Variants in OSBPL6 observed in about 807,000 individuals in gnomAD.
The protein encoded by OSBPL6 is oxysterol-binding protein-related protein 6.
A neutral mutation model predicts 125.8 loss-of-function variants in OSBPL6; 49 were observed. That is an observed-to-expected ratio of 0.39 (90% CI 0.31 to 0.49). The LOEUF (loss-of-function observed/expected upper bound fraction) is 0.49. Among genes scored for constraint, OSBPL6 ranks in the 20% least tolerant of loss-of-function variants. The pLI, the probability that OSBPL6 is intolerant of heterozygous loss-of-function variation, is 0.88. For synonymous variants in OSBPL6, 394 were observed against 391.8 expected, an observed-to-expected ratio of 1.01 and a Z score of -0.07; for missense variants, 986 against 1,135.4, an observed-to-expected ratio of 0.87 and a Z score of 1.89.
At chr2:178,326,457 G>A (rs916755634) in intron 4 of OSBPL6, among the ~76,000 whole-genome samples, 15 of 152,054 alleles carry the variant, frequency 9.9e-5, no homozygotes, top group African/African-American at 3.6e-4. Flanking sequence ...GTAAACCCAG[G>A]AAAATTGGAG....
intron 11 of OSBPL6, among the ~76,000 whole-genome samples, chr2:178,345,764 T>C (rs903233939): frequency 2.0e-5 from 3 of 152,246 alleles, no homozygotes; most frequent in East Asian, 3.8e-4. Context: ...AACACTGTTT[T>C]CTTAAGCAAT....
At chr2:178,331,269 A>G (rs1037854751) in intron 5 of OSBPL6, among the ~76,000 whole-genome samples, 33 of 152,214 alleles carry the variant, frequency 2.2e-4, no homozygotes, top group Admixed American at 7.2e-4. Flanking sequence ...TTGTAGCTTC[A>G]GGTCCTCAGA....
At chr2:178,199,187 A>T (rs1476687011) in intron 1 of OSBPL6, among the ~76,000 whole-genome samples, 1 of 152,240 alleles carries the variant, frequency 6.6e-6, no homozygotes, top group African/African-American at 2.4e-5. Flanking sequence ...TAAAAGAAAC[A>T]TAAACATAAA....
chr2:178,255,303 G>A (rs1179130249), intron 1 of OSBPL6, among the ~76,000 whole-genome samples: 3 of 152,176 alleles, frequency 2.0e-5, no homozygotes, highest in South Asian at 2.1e-4. Context: ...GCGAGACTCC[G>A]TCTCAAAAAC....
At chr2:178,197,214 A>T (rs988636286) in intron 1 of OSBPL6, among the ~76,000 whole-genome samples, 11 of 152,370 alleles carry the variant, frequency 7.2e-5, no homozygotes, top group African/African-American at 2.6e-4. Context: ...AATTTACATA[A>T]ACCAGGGAAA....
chr2:178,339,930 T>G (rs1683495564), intron 11 of OSBPL6, among the ~76,000 whole-genome samples, 166 bp downstream of exon 11: 1 of 152,160 alleles, frequency 6.6e-6, no homozygotes, highest in Admixed American at 6.5e-5. Context: ...CTCTATATTT[T>G]TCTTACTCTG....
intron 1 of OSBPL6, among the ~76,000 whole-genome samples, chr2:178,223,238 G>A (rs900387306): frequency 2.6e-5 from 4 of 152,048 alleles, no homozygotes; most frequent in African/African-American, 9.7e-5. Context: ...GTCTTAAATC[G>A]CATCTCTATT....
chr2:178,367,181 A>G (rs981561730), intron 13 of OSBPL6, among the ~76,000 whole-genome samples: 4 of 152,184 alleles, frequency 2.6e-5, no homozygotes, highest in Non-Finnish European at 4.4e-5. Flanking sequence ...ATTAAAAAAT[A>G]CAGAGGAAAA....
At chr2:178,345,732 G>A (rs1424272240) in intron 11 of OSBPL6, among the ~76,000 whole-genome samples, 1 of 152,142 alleles carries the variant, frequency 6.6e-6, no homozygotes, top group Non-Finnish European at 1.5e-5. Flanking sequence ...GTATGGAAAG[G>A]AACAGTCCAT....
chr2:178,267,364 AAAAAAAAAAAAC>A (rs1559180833), intron 1 of OSBPL6, among the ~76,000 whole-genome samples: 1 of 151,396 alleles, frequency 6.6e-6, no homozygotes, highest in African/African-American at 2.4e-5. Context: ...AAAAAAAAAA[AAAAAAAAAAAAC>A]AAAACAAGGT....
At chr2:178,265,986 G>C (rs191119505) in intron 1 of OSBPL6, among the ~76,000 whole-genome samples, 4 of 152,184 alleles carry the variant, frequency 2.6e-5, no homozygotes, top group Non-Finnish European at 5.9e-5. Flanking sequence ...AGAGAGATCC[G>C]GCCCAGCCTG....
chr2:178,400,831 C>T lies in OSBPL6; in HGVS notation c.*5272C>T, dbSNP rs1022336501. ...TTAGCGTATTTTCTTATATGTATTG[C>T]ATATGGGATTTTTCTAGAAGGCCAC... On this transcript the variant is annotated 3_prime_UTR_variant, in exon 25 of 25. Coordinates refer to ENST00000190611, the MANE Select transcript of OSBPL6 (RefSeq NM_032523.4). 2.0e-5 allele frequency: 3 copies of T among 152,152 alleles called. No individual in the cohort carries two copies. The highest frequency in any genetic ancestry group is 4.8e-5 in the African/African-American group (2 of 41,444). 9.4% of individuals were successfully genotyped at this position (152,152 alleles called of 1,614,324 possible). A position where few individuals can be genotyped will look rare whatever the true frequency, so the allele number is the denominator to read the frequency against.
At position 178,199,946 on chromosome 2, in the gene OSBPL6, T is replaced by C. The variant is rs568529714; in HGVS notation, c.-351+5272T>C. On this transcript the variant is annotated intron_variant, in intron 1 of 24. Coordinates refer to ENST00000190611, the MANE Select transcript of OSBPL6 (RefSeq NM_032523.4). ...ACTTCTAGTCTCAAAGTGTCCATTA[T>C]TGGGTAGCTAACTGACAATTATTTC... Among the ~76,000 whole-genome samples, 112 of 152,154 alleles carry C rather than the reference T, an allele frequency of 7.4e-4. 1 individual carries two copies. In the South Asian group the frequency reaches 0.021, roughly 29 times the overall value.
chr2:178,334,980 C>G (rs1349548059), intron 8 of OSBPL6, among the ~76,000 whole-genome samples: 2 of 152,146 alleles, frequency 1.3e-5, no homozygotes, highest in Non-Finnish European at 2.9e-5. Flanking sequence ...AGGTTGGGAA[C>G]TTACAGATGC....
At chr2:178,343,431 G>A (rs997205630) in intron 11 of OSBPL6, among the ~76,000 whole-genome samples, 1 of 151,890 alleles carries the variant, frequency 6.6e-6, no homozygotes, top group African/African-American at 2.4e-5. Context: ...GAGGTGTCAG[G>A]GTCTGTCAGA....
chr2:178,262,826 A>AAT (rs1258628963), intron 1 of OSBPL6, among the ~76,000 whole-genome samples: 1 of 152,186 alleles, frequency 6.6e-6, no homozygotes, highest in Non-Finnish European at 1.5e-5. Flanking sequence ...AGGAGACATT[A>AAT]ATATATATAG....
chr2:178,252,364 C>T (rs1350994594), intron 1 of OSBPL6, among the ~76,000 whole-genome samples: 1 of 152,146 alleles, frequency 6.6e-6, no homozygotes, highest in African/African-American at 2.4e-5. Context: ...AGTTCAAAAG[C>T]AGCGGTAGAC....
At chr2:178,368,802 T>A (rs1693099114) in intron 13 of OSBPL6, among the ~76,000 whole-genome samples, 1 of 116,168 alleles carries the variant, frequency 8.6e-6, no homozygotes, top group African/African-American at 3.4e-5. Context: ...ATAAAAAAAA[T>A]CCTTTTTTTT....
chr2:178,307,732 A>G lies in OSBPL6; in HGVS notation c.102+1446A>G, dbSNP rs541700220. ...ATTTTTCCCTTCCCTGGGCATTTAA[A>G]CAGAGAGAGAGTCATTGTAAGCAGC... On this transcript the variant is annotated intron_variant, in intron 3 of 24. Coordinates refer to ENST00000190611, the MANE Select transcript of OSBPL6 (RefSeq NM_032523.4). Among the ~76,000 whole-genome samples, 7 of 152,122 alleles carry G rather than the reference A, an allele frequency of 4.6e-5. No individual in the cohort carries two copies. In the East Asian group the frequency reaches 1.2e-3, roughly 25 times the overall value.
Sources: allele counts gnomAD v4.1 joint callset (sites outside exome capture counted in the v4.1 genomes callset), GRCh38; gene constraint gnomAD v4.1.1; transcripts MANE v1.5; gene names NCBI Gene and HGNC (gene_info 2026-07-23, HGNC 2026-07-21).